The following FADS1 variants were observed in gnomAD, a reference collection of about 807,000 sequenced individuals.
FADS1 encodes the protein fatty acid desaturase 1, also known as acyl-CoA (8-3)-desaturase.
A neutral mutation model predicts 61.6 loss-of-function variants in FADS1; 17 were observed. The observed-to-expected ratio is 0.28, with a 90% CI of 0.19 to 0.41. The LOEUF is 0.41. Ranked by LOEUF, FADS1 falls within the 10% of genes least tolerant of loss-of-function variation. The pLI is 1.00. For synonymous variants in FADS1, 238 were observed against 258.7 expected, an observed-to-expected ratio of 0.92 and a Z score of 0.77; for missense variants, 387 against 650.9, an observed-to-expected ratio of 0.59 and a Z score of 4.41.
intron 5 of FADS1, among the ~76,000 whole-genome samples, chr11:61,809,013 A>G (rs1434371707): frequency 6.6e-6 from 1 of 152,144 alleles, no homozygotes; most frequent in African/African-American, 2.4e-5. Flanking sequence ...ATAAAACCCA[A>G]ACTTCTTACC....
At chr11:61,807,944 C>T (rs79842254) in intron 5 of FADS1, among the ~76,000 whole-genome samples, 286 of 152,338 alleles carry the variant, frequency 1.9e-3, no homozygotes, top group African/African-American at 6.6e-3. Context: ...CTACTGTGTG[C>T]CGGGCTATGT....
chr11:61,816,261 C>T lies in FADS1; in HGVS notation c.375+294G>A. The T allele has an allele frequency of 6.3e-7, 1 of 1,598,048 alleles. No individual in the cohort carries two copies. Among genetic ancestry groups the T allele is most frequent in the Non-Finnish European group, 8.5e-7 (1 of 1,179,562 alleles). On this transcript the variant is annotated intron_variant, in intron 1 of 11. Transcript: ENST00000350997. The surrounding 1 kb of genome is among the most constrained non-coding windows in gnomAD (Gnocchi z 7.0). ...TCGGGGTTCTGTCCCCGCCCAGAGA[C>T]CTGAGGCTCGGGGCTGCAGATGGAA...
intron 1 of FADS1, chr11:61,814,883 C>T (rs2066963654): frequency 6.6e-6 from 1 of 152,478 alleles, no homozygotes; most frequent in African/African-American, 2.4e-5. Context: ...ACTTCCGTCC[C>T]TTCTTGCGGG....
rs1643001674 is a variant in FADS1, at chr11:61,803,904, C to T, written c.1054-137G>A. ...ATCTTCAGCTTCTCAGGGGTCCAAT[C>T]CTGCAGTATCTAGTGCCACTGCTCC... On this transcript the variant is annotated intron_variant, in intron 7 of 11. Coordinates refer to ENST00000350997, the MANE Select transcript of FADS1 (RefSeq NM_013402.7). This position sits in a 1 kb window ranked among gnomAD's most constrained non-coding sequence, Gnocchi z 4.3. 1 of 677,196 alleles carries T rather than the reference C, an allele frequency of 1.5e-6. No individual in the cohort carries two copies. Among genetic ancestry groups the T allele is most frequent in the Non-Finnish European group, 2.6e-6 (1 of 379,388 alleles). 41.9% of individuals were successfully genotyped at this position (677,196 alleles called of 1,614,324 possible).
In FADS1 at chr11:61,803,495, A is replaced by T; in HGVS notation, c.1152-36T>A. 6.4e-7 allele frequency: 1 copy of T among 1,559,646 alleles called. No individual in the cohort carries two copies. Among genetic ancestry groups the T allele is most frequent in the Non-Finnish European group, 8.8e-7 (1 of 1,130,372 alleles). ...TATTACACAGACAAAAACAGTACAC[A>T]CAGAGCCCAGAATTCTGATTCCCCC... On this transcript the variant is annotated intron_variant, in intron 8 of 11. Coordinates refer to ENST00000350997, the MANE Select transcript of FADS1 (RefSeq NM_013402.7). This position sits in a 1 kb window ranked among gnomAD's most constrained non-coding sequence, Gnocchi z 4.3.
chr11:61,812,154 G>A (rs2066935234), intron 3 of FADS1, among the ~76,000 whole-genome samples: 1 of 152,244 alleles, frequency 6.6e-6, no homozygotes, highest in Non-Finnish European at 1.5e-5. Flanking sequence ...CAGTGGTGGG[G>A]AGGGAGCCAA....
chr11:61,812,720 A>C (rs377573468), intron 2 of FADS1, 52 bp from the exon 3 acceptor site: 2 of 1,533,610 alleles, frequency 1.3e-6, no homozygotes, highest in South Asian at 2.3e-5. Context: ...CCCCAATGCT[A>C]CTGGAGACAA....
intron 1 of FADS1, chr11:61,814,445 T>C (rs1282538321): frequency 6.6e-6 from 1 of 152,202 alleles, no homozygotes; most frequent in Non-Finnish European, 1.5e-5. Flanking sequence ...ACAGGAGAGA[T>C]GGGTGGGGCT....
In FADS1 at chr11:61,802,397, C is replaced by T; in HGVS notation, c.*14G>A. The T allele has an allele frequency of 1.9e-6, 3 of 1,564,124 alleles. No homozygotes were observed. The highest frequency in any genetic ancestry group is 2.6e-6 in the Non-Finnish European group (3 of 1,152,554). On this transcript the variant is annotated 3_prime_UTR_variant, in exon 12 of 12. Transcript: ENST00000350997. This position sits in a 1 kb window ranked among gnomAD's most constrained non-coding sequence, Gnocchi z 4.2. ...CTTCCTCCTCTTCTTCCAGACTGGG[C>T]AGGGTGGCTGTTGTTATTGGTGAAG...
intron 5 of FADS1, among the ~76,000 whole-genome samples, chr11:61,807,713 G>A (rs1474284872): frequency 6.6e-6 from 1 of 152,164 alleles, no homozygotes; most frequent in Non-Finnish European, 1.5e-5. Context: ...AGACAGCAAA[G>A]TTCTGCTGTC....
Position 61,803,526 on chromosome 11 carries a change from A to ATAAC in FADS1, c.1152-71_1152-68dup. ...CCCAGAATTCTGATTCCCCCCTCAG[A>ATAAC]TAACTGCTCCAGCCTGTCTACTTTC... is the stretch of plus-strand genomic sequence containing the variant. On this transcript the variant is annotated intron_variant, in intron 8 of 11. Coordinates refer to ENST00000350997, the MANE Select transcript of FADS1 (RefSeq NM_013402.7). This position sits in a 1 kb window ranked among gnomAD's most constrained non-coding sequence, Gnocchi z 4.3. 7.0e-7 allele frequency: 1 copy of ATAAC among 1,433,442 alleles called. No homozygotes were observed. Among genetic ancestry groups the ATAAC allele is most frequent in the Non-Finnish European group, 9.8e-7 (1 of 1,015,378 alleles). The allele number at this position is 1,433,442 out of a possible 1,614,324, so 88.8% of individuals were successfully genotyped here.
In FADS1 at chr11:61,812,622, C is replaced by T. The variant is rs757056698; in HGVS notation, c.533G>A (p.Arg178Gln). 129 of 1,614,030 alleles carry T rather than the reference C, an allele frequency of 8.0e-5. 3 individuals carry two copies. The East Asian group carries it at 2.0e-3, about 25-fold the overall frequency. ...EFRELRATVE[R>Q]MGLMKANHVF... ...ATGGTTGGCCTTCATGAGCCCCATC[C>T]GCTCCACTGTGGCCCGCAGCTCCCG... The change falls in exon 3 of 12, where the codon CGG becomes CAG. Residue 178 changes from arginine (R) to glutamine (Q), a missense_variant. Transcript: ENST00000350997.
chr11:61,808,362 C>T (rs895177437), intron 5 of FADS1, among the ~76,000 whole-genome samples: 8 of 151,650 alleles, frequency 5.3e-5, no homozygotes, highest in Non-Finnish European at 8.8e-5. Context: ...ATCTGGGACC[C>T]AAAATAGCCT....
rs1163681594 is a variant in FADS1 at position 61,816,370 on chromosome 11, G to T, written c.375+185C>A. On this transcript the variant is annotated intron_variant, in intron 1 of 11. Coordinates refer to ENST00000350997, the MANE Select transcript of FADS1 (RefSeq NM_013402.7). This position sits in a 1 kb window ranked among gnomAD's most constrained non-coding sequence, Gnocchi z 7.0. Reference sequence around the variant, plus strand: ...CACTCCCCAGACTCCACTTCTCCAGGCCTCTCTCCCGCCTTTTCATCCCGC... The same window carrying T: ...CACTCCCCAGACTCCACTTCTCCAGTCCTCTCTCCCGCCTTTTCATCCCGC... 1 of 1,598,404 alleles carries T rather than the reference G, an allele frequency of 6.3e-7. No individual in the cohort carries two copies. Among genetic ancestry groups the T allele is most frequent in the East Asian group, 2.2e-5 (1 of 44,870 alleles).
rs764239659 is a variant in FADS1, at chr11:61,816,369, G to A, written c.375+186C>T. The A allele has an allele frequency of 1.4e-5, 22 of 1,598,310 alleles. No homozygotes were observed. Among genetic ancestry groups the A allele is most frequent in the Non-Finnish European group, 1.8e-5 (21 of 1,179,804 alleles). On this transcript the variant is annotated intron_variant, in intron 1 of 11. Coordinates refer to ENST00000350997, the MANE Select transcript of FADS1 (RefSeq NM_013402.7). The surrounding 1 kb of genome is among the most constrained non-coding windows in gnomAD (Gnocchi z 7.0). The stretch of plus-strand genomic sequence containing the variant: ...CCACTCCCCAGACTCCACTTCTCCA[G>A]GCCTCTCTCCCGCCTTTTCATCCCG...
intron 3 of FADS1, 81 bp downstream of exon 3, chr11:61,812,390 T>C (rs1033950105): frequency 7.4e-7 from 1 of 1,343,670 alleles, no homozygotes; most frequent in African/African-American, 1.4e-5. Flanking sequence ...GCAGGCACTC[T>C]TGGCCTTCCT....
At chr11:61,805,063 T>TC in intron 6 of FADS1, 1 of 515,470 alleles carries the variant, frequency 1.9e-6, no homozygotes, top group Non-Finnish European at 3.4e-6. Flanking sequence ...TGGGACTTGC[T>TC]CTGCTCCCAC....
In FADS1 at chr11:61,803,337, CAGTCTTCTGAGTG is replaced by C; in HGVS notation, c.1248+13_1248+25del. ...CCTTTTCAATAGTTGTGTTATGCTC[CAGTCTTCTGAGTG>C]ACTGTCCCTTACCTGGGTGGAAACC... On this transcript the variant is annotated intron_variant, in intron 9 of 11. Coordinates refer to ENST00000350997, the MANE Select transcript of FADS1 (RefSeq NM_013402.7). The surrounding 1 kb of genome is among the most constrained non-coding windows in gnomAD (Gnocchi z 4.3). The C allele has an allele frequency of 6.4e-7, 1 of 1,562,940 alleles. No individual in the cohort carries two copies. The highest frequency in any genetic ancestry group is 2.2e-5 in the East Asian group (1 of 44,616).
intron 5 of FADS1, among the ~76,000 whole-genome samples, chr11:61,808,022 G>T (rs2066905612): frequency 6.6e-6 from 1 of 152,182 alleles, no homozygotes; most frequent in South Asian, 2.1e-4. Context: ...ATAACCTTAG[G>T]GGATGAAGCT....
Sources: gnomAD v4.1 joint callset for allele counts (sites outside exome capture counted in the v4.1 genomes callset) on GRCh38, gnomAD v4.1.1 for gene constraint, Gnocchi (gnomAD v3.1) non-coding constraint, MANE v1.5 for transcripts, NCBI Gene and HGNC (gene_info 2026-07-23, HGNC 2026-07-21) for gene names.